TOP6BL: variants seen among roughly 807,000 people sequenced by gnomAD.
TOP6BL encodes the protein type 2 DNA topoisomerase 6 subunit B-like.
chr11:66,753,567 C>T, the TOP6BL span, among the ~76,000 whole-genome samples: 8,392 of 151,554 alleles, frequency 0.055, 322 homozygotes, highest in East Asian at 0.11. Context: ...CCACCACGCC[C>T]GGCTAATTTT....
At chr11:66,812,773 A>G in the TOP6BL span, among the ~76,000 whole-genome samples, 2 of 152,154 alleles carry the variant, frequency 1.3e-5, no homozygotes, top group Non-Finnish European at 2.9e-5. Context: ...TTTGTCCTTA[A>G]AGGACATTTG....
chr11:66,808,402 C>T, the TOP6BL span, among the ~76,000 whole-genome samples: 1 of 151,998 alleles, frequency 6.6e-6, no homozygotes, highest in South Asian at 2.1e-4. Context: ...GTGGTGCATG[C>T]CTGTGGTGCC....
chr11:66,787,092 C>T, the TOP6BL span, among the ~76,000 whole-genome samples: 2 of 151,960 alleles, frequency 1.3e-5, no homozygotes, highest in African/African-American at 4.8e-5. Flanking sequence ...TGCCACCACA[C>T]CTGGCTAATT....
the TOP6BL span, chr11:66,843,373 G>GGGCGT: frequency 7.0e-7 from 1 of 1,438,428 alleles, no homozygotes. Context: ...GGGCGGGGCG[G>GGGCGT]GGCGTGGAGC....
chr11:66,790,943 G>T, the TOP6BL span, among the ~76,000 whole-genome samples: 1 of 152,310 alleles, frequency 6.6e-6, no homozygotes, highest in South Asian at 2.1e-4. Flanking sequence ...TAAAATAATA[G>T]TATAGTCAAA....
the TOP6BL span, among the ~76,000 whole-genome samples, chr11:66,798,025 A>G: frequency 6.6e-6 from 1 of 152,168 alleles, no homozygotes; most frequent in Admixed American, 6.5e-5. Context: ...AAGTTTTATC[A>G]TCATCATCCG....
the TOP6BL span, among the ~76,000 whole-genome samples, chr11:66,789,912 C>T: frequency 3.3e-5 from 5 of 152,154 alleles, no homozygotes; most frequent in African/African-American, 7.2e-5. Context: ...TTCATCCAGA[C>T]GTGTGTTTGT....
the TOP6BL span, among the ~76,000 whole-genome samples, chr11:66,825,354 G>C: frequency 6.6e-6 from 1 of 151,286 alleles, no homozygotes; most frequent in African/African-American, 2.4e-5. Flanking sequence ...AGCCAGGCGT[G>C]GTGGCAGGCG....
chr11:66,809,275 CT>C, the TOP6BL span, among the ~76,000 whole-genome samples: 36 of 152,292 alleles, frequency 2.4e-4, 1 homozygote, highest in African/African-American at 7.7e-4. Context: ...GACAAATCAT[CT>C]TTAAAAGATA....
At chr11:66,801,924 C>G in the TOP6BL span, among the ~76,000 whole-genome samples, 1 of 152,160 alleles carries the variant, frequency 6.6e-6, no homozygotes, top group African/African-American at 2.4e-5. Context: ...CCTTCCTGTG[C>G]CATTTAACTA....
chr11:66,744,993 T>G, the TOP6BL span: 1 of 1,226,918 alleles, frequency 8.2e-7, no homozygotes, highest in Non-Finnish European at 1.0e-6. Flanking sequence ...CCGCGAAGTT[T>G]GGGCAGAGGG....
chr11:66,758,714 A>G, the TOP6BL span, among the ~76,000 whole-genome samples: 2 of 152,240 alleles, frequency 1.3e-5, no homozygotes, highest in East Asian at 1.9e-4. Context: ...TATTCTGATT[A>G]CTAGCTGCAA....
the TOP6BL span, among the ~76,000 whole-genome samples, chr11:66,835,909 A>G: frequency 6.6e-6 from 1 of 152,198 alleles, no homozygotes; most frequent in Non-Finnish European, 1.5e-5. Context: ...GTATATATCT[A>G]GGAGTAGAAT....
At chr11:66,803,096 T>A in the TOP6BL span, among the ~76,000 whole-genome samples, 1 of 152,200 alleles carries the variant, frequency 6.6e-6, no homozygotes, top group Non-Finnish European at 1.5e-5. Flanking sequence ...TTCTCATTGT[T>A]ACTATCAAAC....
the TOP6BL span, among the ~76,000 whole-genome samples, chr11:66,767,045 T>C: frequency 0.25 from 37,483 of 152,106 alleles, 4,696 homozygotes; most frequent in Middle Eastern, 0.32. Context: ...AAAATTCTTA[T>C]TAATTTAAAC....
the TOP6BL span, among the ~76,000 whole-genome samples, chr11:66,842,500 G>A: frequency 9.8e-3 from 1,493 of 152,310 alleles, 24 homozygotes; most frequent in African/African-American, 0.034. Flanking sequence ...ACAGAACTGA[G>A]GCCAGAAAGG....
At chr11:66,752,537 C>T in the TOP6BL span, among the ~76,000 whole-genome samples, 407 of 152,086 alleles carry the variant, frequency 2.7e-3, no homozygotes, top group Non-Finnish European at 4.9e-3. Context: ...CTGCAACCTC[C>T]GCCTCCCGGG....
At chr11:66,745,053 T>C in the TOP6BL span, 1 of 947,962 alleles carries the variant, frequency 1.1e-6, no homozygotes, top group Non-Finnish European at 1.4e-6. Flanking sequence ...TCGAGGCCCG[T>C]CTCCCACGGG....
the TOP6BL span, chr11:66,748,407 A>C: frequency 6.8e-5 from 104 of 1,540,588 alleles, no homozygotes; most frequent in Non-Finnish European, 8.7e-5. Context: ...ATTCACTGGA[A>C]GTGTGACATA....
Sources: gnomAD v4.1 joint callset for allele counts (sites outside exome capture counted in the v4.1 genomes callset) on GRCh38, gnomAD v4.1.1 for gene constraint, MANE v1.5 for transcripts, NCBI Gene and HGNC (gene_info 2026-07-23, HGNC 2026-07-21) for gene names.